KIAA1217: variants seen among roughly 807,000 people sequenced by gnomAD.
KIAA1217 encodes sickle tail protein homolog.
Under a neutral mutation model 163.9 loss-of-function variants are expected in KIAA1217, and 88 were observed. That is an observed-to-expected ratio of 0.54 (90% CI 0.45 to 0.64). The LOEUF (loss-of-function observed/expected upper bound fraction) is 0.64, where lower values mean the gene tolerates loss of function less well. Ranked by LOEUF, KIAA1217 falls within the 30% of genes least tolerant of loss-of-function variation. The probability of loss-of-function intolerance (pLI) is 0.00; values close to 1 mark genes in which losing one functional copy is unlikely to be tolerated. For missense variants in KIAA1217, 2,372 were observed against 2,475.0 expected, an observed-to-expected ratio of 0.96 and a Z score of 0.88; for synonymous variants, 903 against 923.1, an observed-to-expected ratio of 0.98 and a Z score of 0.39.
chr10:23,759,539 C>T (rs185368660), intron 1 of KIAA1217, among the ~76,000 whole-genome samples: 210 of 152,230 alleles, frequency 1.4e-3, no homozygotes, highest in Non-Finnish European at 2.6e-3. Context: ...ATGATTACTG[C>T]AGGTTTTTCA....
intron 2 of KIAA1217, among the ~76,000 whole-genome samples, chr10:24,240,703 C>T (rs762049619): frequency 3.9e-5 from 6 of 152,236 alleles, no homozygotes; most frequent in East Asian, 3.9e-4. Flanking sequence ...ACAAAACAGA[C>T]GTAGCACAGT....
chr10:24,469,483 T>C (rs2063278206), intron 5 of KIAA1217, among the ~76,000 whole-genome samples: 1 of 152,000 alleles, frequency 6.6e-6, no homozygotes, highest in African/African-American at 2.4e-5. Context: ...CTTCTGCTGG[T>C]TAATTGGGAT....
rs541761595 is a variant in KIAA1217 at position 24,183,687 on chromosome 10, C to T, written c.-170-35939C>T. ...GCCTCTTCTTGGTTATTCTTAGCAG[C>T]GGGGAACTCCCTCTCTATTTTAGGA... is the stretch of plus-strand genomic sequence containing the variant. On this transcript the variant is annotated intron_variant, in intron 2 of 18. Transcript: ENST00000376462. Among the ~76,000 whole-genome samples, 412 of 152,230 alleles carry T rather than the reference C, an allele frequency of 2.7e-3. 8 individuals carry two copies. Among genetic ancestry groups the T allele is most frequent in the South Asian group, 7.1e-3 (34 of 4,812 alleles).
intron 1 of KIAA1217, among the ~76,000 whole-genome samples, chr10:23,759,166 C>G (rs903850733): frequency 6.6e-6 from 1 of 151,790 alleles, no homozygotes; most frequent in Non-Finnish European, 1.5e-5. Flanking sequence ...GTATTTTATT[C>G]TTTTTGATGC....
intron 1 of KIAA1217, among the ~76,000 whole-genome samples, chr10:23,777,915 C>T (rs56690053): frequency 1.3e-5 from 2 of 152,072 alleles, no homozygotes; most frequent in African/African-American, 4.8e-5. Context: ...TCACTGACTA[C>T]CAGTCTTAAC....
At position 23,768,781 on chromosome 10, in the gene KIAA1217, C is replaced by T. The variant is rs776945395; in HGVS notation, c.-321+73547C>T. On this transcript the variant is annotated intron_variant, in intron 1 of 18. Transcript: ENST00000376462. ...TGGGTTCAAGGATTATTGACTTTCC[C>T]GCAGGCACTCGGGCTGAACTTGCCT... Among the ~76,000 whole-genome samples, 8 of 152,042 alleles carry T rather than the reference C, an allele frequency of 5.3e-5. No homozygotes were observed. The East Asian group carries it at 5.8e-4, about 11-fold the overall frequency.
At position 24,547,773 on chromosome 10, in the gene KIAA1217, G is replaced by C. The variant is rs2075776171; in HGVS notation, c.*1449G>C. ...AGTTTCCACCCTCAGTTCCTGGAGG[G>C]GCTCTTATTATTTTCTCTCTTTTTA... is the stretch of plus-strand genomic sequence containing the variant. On this transcript the variant is annotated 3_prime_UTR_variant, in exon 21 of 21. Coordinates refer to ENST00000376454, the MANE Select transcript of KIAA1217 (RefSeq NM_019590.5). 1 of 152,008 alleles carries C rather than the reference G, an allele frequency of 6.6e-6. No individual in the cohort carries two copies. The highest frequency in any genetic ancestry group is 2.4e-5 in the African/African-American group (1 of 41,380). 9.4% of individuals were successfully genotyped at this position (152,008 alleles called of 1,614,324 possible).
At position 24,449,640 on chromosome 10, in the gene KIAA1217, A is replaced by G. The variant is rs2061237956; in HGVS notation, c.846+11161A>G. 3 of 985,324 alleles carry G rather than the reference A, an allele frequency of 3.0e-6. No individual in the cohort carries two copies. In the Admixed American group the frequency reaches 1.8e-4, roughly 61 times the overall value. The allele number at this position is 985,324 out of a possible 1,614,324, so 61.0% of individuals were successfully genotyped here. On this transcript the variant is annotated intron_variant, in intron 5 of 20. Transcript: ENST00000376454. ...AAAAGCTTCCTTCTGTAAAAAACCC[A>G]AGGCTTGCATTTAGTCACCATGAAG... is the stretch of plus-strand genomic sequence containing the variant.
rs150392841 is a variant in KIAA1217 at position 24,324,162 on chromosome 10, G to A, written c.355-56707G>A. On this transcript the variant is annotated intron_variant, in intron 2 of 20. Coordinates refer to ENST00000376454, the MANE Select transcript of KIAA1217 (RefSeq NM_019590.5). ...ATGTGCCTGTAGTCCCAGCTACCAC[G>A]GAGGCTGAGACAGGAGGATTGCTTG... is the stretch of plus-strand genomic sequence containing the variant. 1.9e-3 allele frequency among the ~76,000 whole-genome samples: 287 copies of A among 152,168 alleles called. 1 individual carries two copies. The highest frequency in any genetic ancestry group is 3.2e-3 in the Non-Finnish European group (215 of 68,000).
chr10:24,125,881 A>C (rs1369053649), intron 2 of KIAA1217, among the ~76,000 whole-genome samples: 1 of 152,112 alleles, frequency 6.6e-6, no homozygotes, highest in Non-Finnish European at 1.5e-5. Flanking sequence ...GATTACTGTC[A>C]TTTATTTTTG....
In KIAA1217 at chr10:24,071,267, G is replaced by A. The variant is rs372216283; in HGVS notation, c.-171+63893G>A. On this transcript the variant is annotated intron_variant, in intron 2 of 18. Coordinates refer to the KIAA1217 transcript ENST00000376462. ...GAACAAAACATTGCGAGTTTTGTTT[G>A]TTTGTGAAAACTTCATTGGGAAAAA... 6.5e-4 allele frequency among the ~76,000 whole-genome samples: 99 copies of A among 152,174 alleles called. 1 individual carries two copies. The highest frequency in any genetic ancestry group is 2.3e-3 in the African/African-American group (96 of 41,546).
chr10:23,825,109 G>A (rs916269006), intron 1 of KIAA1217, among the ~76,000 whole-genome samples: 2 of 152,106 alleles, frequency 1.3e-5, no homozygotes, highest in African/African-American at 2.4e-5. Context: ...ATTCCTGCAC[G>A]CACCTTTTGT....
intron 1 of KIAA1217, among the ~76,000 whole-genome samples, chr10:23,818,332 T>TA (rs1564448539): frequency 2.1e-4 from 26 of 123,264 alleles, no homozygotes; most frequent in African/African-American, 8.6e-4. Flanking sequence ...TATATATATT[T>TA]TATATATATA....
chr10:24,100,282 A>G lies in KIAA1217; in HGVS notation c.-171+92908A>G, dbSNP rs962839859. ...GCCCAGCAGGTTGCACATCTGTTTC[A>G]TTAAGAATAAAAGGTTTCTGTGCAG... On this transcript the variant is annotated intron_variant, in intron 2 of 18. Transcript: ENST00000376462. Among the ~76,000 whole-genome samples the G allele has an allele frequency of 5.3e-5, 8 of 152,122 alleles. No homozygotes were observed. The East Asian group carries it at 5.8e-4, about 11-fold the overall frequency.
At chr10:24,479,856 TAGAA>T (rs1266021107) in intron 6 of KIAA1217, among the ~76,000 whole-genome samples, 1 of 152,168 alleles carries the variant, frequency 6.6e-6, no homozygotes, top group Non-Finnish European at 1.5e-5. Flanking sequence ...TCATTACTGA[TAGAA>T]TGAATCCAAT....
At chr10:24,225,371 G>A (rs549094966) in intron 2 of KIAA1217, among the ~76,000 whole-genome samples, 3 of 152,090 alleles carry the variant, frequency 2.0e-5, no homozygotes, top group South Asian at 2.1e-4. Flanking sequence ...CGATCCTCTC[G>A]CTTTGACCTC....
chr10:24,543,476 T>C lies in KIAA1217; in HGVS notation c.4206T>C (p.Asp1402=). 2 of 1,614,080 alleles carry C rather than the reference T, an allele frequency of 1.2e-6. No homozygotes were observed. Among genetic ancestry groups the C allele is most frequent in the Non-Finnish European group, 1.7e-6 (2 of 1,180,024 alleles). Residue 1402 remains aspartate (D), a synonymous_variant, in exon 19 of 21, where the codon GAT becomes GAC. Coordinates refer to ENST00000376454, the MANE Select transcript of KIAA1217 (RefSeq NM_019590.5). ...VQVLSSGEVH[D]IVSQKGEDIQ... ...TTCTTTCCAGTGGGGAGGTGCATGA[T>C]ATTGTTAGCCAAAAGGGAGAAGACA...
At chr10:24,270,101 A>G (rs2076630459) in intron 2 of KIAA1217, among the ~76,000 whole-genome samples, 1 of 152,256 alleles carries the variant, frequency 6.6e-6, no homozygotes. Context: ...CCCTAACTGT[A>G]GAAGGAAGGT....
rs41279868 is a variant in KIAA1217 at position 24,473,904 on chromosome 10, G to A, written c.1523G>A (p.Arg508His). The A allele has an allele frequency of 6.4e-3, 10,339 of 1,614,100 alleles. 64 individuals are homozygous for A. The highest frequency in any genetic ancestry group is 0.01 in the South Asian group (935 of 91,070). Residue 508 changes from arginine to histidine, a missense_variant, in exon 6 of 21, where the codon CGC becomes CAC. Arg to His is a conservative substitution (Grantham distance 29, BLOSUM62 0). Around this residue, in one of 3 missense-constraint regions of KIAA1217, gnomAD observed 1,431 missense variants for 1,470.3 expected, o/e 0.97. Coordinates refer to ENST00000376454, the MANE Select transcript of KIAA1217 (RefSeq NM_019590.5). The part of the protein sequence containing the change: ...TMQPDRASPS[R>H]QAFKKEPGTL... ...CAGCCAGACCGGGCCTCTCCGAGCC[G>A]CCAGGCCTTTAAAAAGGAGCCAGGC...
Sources: allele counts gnomAD v4.1 joint callset (sites outside exome capture counted in the v4.1 genomes callset), GRCh38; gene constraint gnomAD v4.1.1; regional missense constraint gnomAD v4.1.1; transcripts MANE v1.5; gene names NCBI Gene and HGNC (gene_info 2026-07-23, HGNC 2026-07-21).